TTC28: variants seen among roughly 807,000 people sequenced by gnomAD.
TTC28 encodes the protein tetratricopeptide repeat domain 28.
In TTC28, 61 loss-of-function variants were observed where a neutral mutation model predicts 198.0. That is an observed-to-expected ratio of 0.31 (90% CI 0.25 to 0.38). The LOEUF (loss-of-function observed/expected upper bound fraction) is 0.38. TTC28 is among the 10% of genes least tolerant of loss of function. TTC28 has a pLI of 1.00. For missense variants in TTC28, 2,678 were observed against 3,164.0 expected (o/e 0.85, Z 3.69); for synonymous variants, 1,171 against 1,297.8 (o/e 0.90, Z 2.10).
chr22:28,268,262 TAGAA>T (rs1931816126), intron 5 of TTC28, among the ~76,000 whole-genome samples: 1 of 152,320 alleles, frequency 6.6e-6, no homozygotes, highest in African/African-American at 2.4e-5. Context: ...CCAAGGCTTC[TAGAA>T]AGAAGAATAT....
chr22:28,075,364 G>A (rs1941133962), intron 12 of TTC28, among the ~76,000 whole-genome samples: 1 of 152,122 alleles, frequency 6.6e-6, no homozygotes, highest in Admixed American at 6.5e-5. Flanking sequence ...TAGTGCTCTA[G>A]TCCCTAATGT....
chr22:28,210,532 G>T (rs368676682), intron 5 of TTC28, among the ~76,000 whole-genome samples: 1 of 152,052 alleles, frequency 6.6e-6, no homozygotes, highest in Non-Finnish European at 1.5e-5. Flanking sequence ...TGGAAGAAAG[G>T]GTATCAGTGA....
chr22:28,374,072 A>G (rs896740608), intron 2 of TTC28, among the ~76,000 whole-genome samples: 13 of 152,202 alleles, frequency 8.5e-5, no homozygotes, highest in Non-Finnish European at 1.8e-4. Flanking sequence ...AGGAATTGCT[A>G]TAACTTCCTT....
chr22:28,548,030 A>G (rs1170016505), intron 2 of TTC28, among the ~76,000 whole-genome samples: 1 of 152,086 alleles, frequency 6.6e-6, no homozygotes, highest in Non-Finnish European at 1.5e-5. Flanking sequence ...TATGTCACAT[A>G]ATTCAAATGC....
intron 6 of TTC28, among the ~76,000 whole-genome samples, chr22:28,122,472 A>T (rs1222978743): frequency 6.6e-6 from 1 of 152,232 alleles, no homozygotes; most frequent in Non-Finnish European, 1.5e-5. Context: ...AATACAGAAA[A>T]AATCCCTATG....
chr22:28,573,779 A>G (rs1244842867), intron 2 of TTC28, among the ~76,000 whole-genome samples: 1 of 152,126 alleles, frequency 6.6e-6, no homozygotes, highest in African/African-American at 2.4e-5. Context: ...GTGCTATCAA[A>G]TACTAGATCT....
rs758182265 is a variant in TTC28, at chr22:28,383,838, T to C, written c.382-77195A>G. On this transcript the variant is annotated intron_variant, in intron 2 of 22. Transcript: ENST00000397906. ...ATTTTTCACATAGCAGCTAGGATGA[T>C]CCTTTTGAGCATTAGTCTGATCATG... Among the ~76,000 whole-genome samples, 9 of 152,234 alleles carry C rather than the reference T, an allele frequency of 5.9e-5. 1 individual carries two copies. The highest frequency in any genetic ancestry group is 1.3e-4 in the Non-Finnish European group (9 of 68,044).
chr22:28,398,111 T>A (rs993094233), intron 2 of TTC28, among the ~76,000 whole-genome samples: 1 of 152,194 alleles, frequency 6.6e-6, no homozygotes, highest in Non-Finnish European at 1.5e-5. Flanking sequence ...AGTATAAACC[T>A]GGTCAGGCTA....
At position 28,537,052 on chromosome 22, in the gene TTC28, G is replaced by A. The variant is rs535111872; in HGVS notation, c.381+92500C>T. Among the ~76,000 whole-genome samples the A allele has an allele frequency of 2.6e-5, 4 of 151,828 alleles. No individual in the cohort carries two copies. The South Asian group carries it at 6.2e-4, about 24-fold the overall frequency. Reference sequence around the variant, plus strand: ...CTCACGCCTGTAATCCCAGCACTTCGGGAGGCCGAGGCAGGCGGATCACGA... The same window carrying A: ...CTCACGCCTGTAATCCCAGCACTTCAGGAGGCCGAGGCAGGCGGATCACGA... On this transcript the variant is annotated intron_variant, in intron 2 of 22. Coordinates refer to ENST00000397906, the MANE Select transcript of TTC28 (RefSeq NM_001145418.2).
rs2051138115 is a variant in TTC28 at position 28,629,611 on chromosome 22, A to G, written c.322T>C (p.Tyr108His). 4 of 1,551,596 alleles carry G rather than the reference A, an allele frequency of 2.6e-6. No homozygotes were observed. The highest frequency in any genetic ancestry group is 1.4e-5 in the African/African-American group (1 of 73,042). ...RSAAYMKIQQ[Y>H]DKALDDAIKA... Reference sequence around the variant, plus strand: ...ATTGCATCATCCAGTGCCTTGTCATACTGCTGGATTTTCATGTAGGCTGCA... The same window carrying G: ...ATTGCATCATCCAGTGCCTTGTCATGCTGCTGGATTTTCATGTAGGCTGCA... The change falls in exon 2 of 23, where the codon TAT becomes CAT. Residue 108 changes from tyrosine (Y) to histidine (H), a missense_variant. By Grantham distance (83) the Tyr-to-His change is moderately conservative (BLOSUM62 2). Transcript: ENST00000397906.
chr22:28,321,156 T>C lies in TTC28; in HGVS notation c.382-14513A>G, dbSNP rs5997356. On this transcript the variant is annotated intron_variant, in intron 2 of 22. Coordinates refer to ENST00000397906, the MANE Select transcript of TTC28 (RefSeq NM_001145418.2). ...AGGCATTGGCTGAGAAGCTTGCTGA[T>C]GGCTTCTTTTGTTTCTCTTTGATTT... Among the ~76,000 whole-genome samples, 511 of 152,320 alleles carry C rather than the reference T, an allele frequency of 3.4e-3. 3 individuals carry two copies. Among genetic ancestry groups the C allele is most frequent in the African/African-American group, 0.011 (453 of 41,570 alleles).
rs375788511 is a variant in TTC28 at position 28,446,777 on chromosome 22, T to C, written c.382-140134A>G. Among the ~76,000 whole-genome samples the C allele has an allele frequency of 5.6e-4, 86 of 152,296 alleles. No homozygotes were observed. In the South Asian group the frequency reaches 0.014, roughly 24 times the overall value. On this transcript the variant is annotated intron_variant, in intron 2 of 22. Transcript: ENST00000397906. ...ATTTACAGCAATAAACAGTCCTGTA[T>C]AGCAATACAAAAACAGACTAACAGA...
intron 2 of TTC28, among the ~76,000 whole-genome samples, chr22:28,508,413 A>G (rs2048641452): frequency 6.6e-6 from 1 of 152,096 alleles, no homozygotes; most frequent in Non-Finnish European, 1.5e-5. Flanking sequence ...CCTCCTGAGT[A>G]CCTGGGATTA....
intron 6 of TTC28, among the ~76,000 whole-genome samples, chr22:28,146,614 C>T (rs1017372477): frequency 1.3e-5 from 2 of 152,202 alleles, no homozygotes; most frequent in Admixed American, 1.3e-4. Flanking sequence ...TTTACTGAGT[C>T]ACAGAGCATA....
intron 2 of TTC28, among the ~76,000 whole-genome samples, chr22:28,385,404 G>C (rs965838852): frequency 6.6e-6 from 1 of 150,378 alleles, no homozygotes; most frequent in Non-Finnish European, 1.5e-5. Flanking sequence ...TGTAAATGTA[G>C]ATAATAATAT....
At chr22:28,304,306 G>A (rs1212677675) in intron 3 of TTC28, among the ~76,000 whole-genome samples, 22 of 151,532 alleles carry the variant, frequency 1.5e-4, no homozygotes, top group Admixed American at 1.4e-3. Flanking sequence ...AAAGTAGGCA[G>A]CAAATGATGA....
chr22:28,150,124 A>G (rs1436431391), intron 6 of TTC28, among the ~76,000 whole-genome samples: 1 of 152,218 alleles, frequency 6.6e-6, no homozygotes, highest in Non-Finnish European at 1.5e-5. Flanking sequence ...CTTTAAATAG[A>G]GTATAAAATA....
intron 2 of TTC28, among the ~76,000 whole-genome samples, chr22:28,624,552 T>C (rs2051048711): frequency 6.6e-6 from 1 of 152,032 alleles, no homozygotes; most frequent in African/African-American, 2.4e-5. Flanking sequence ...AATTAGAAAA[T>C]TTGAATAGCC....
intron 2 of TTC28, among the ~76,000 whole-genome samples, chr22:28,329,365 C>T (rs1348766885): frequency 1.3e-5 from 2 of 151,502 alleles, no homozygotes; most frequent in African/African-American, 2.4e-5. Context: ...CAGGATCTTA[C>T]GTACTTTAAA....
Sources: allele counts gnomAD v4.1 joint callset (sites outside exome capture counted in the v4.1 genomes callset), GRCh38; gene constraint gnomAD v4.1.1; transcripts MANE v1.5; gene names NCBI Gene and HGNC (gene_info 2026-07-23, HGNC 2026-07-21).